The following ADI1 variants were observed in gnomAD, a reference collection of about 807,000 sequenced individuals.
The protein encoded by ADI1 is acireductone dioxygenase.
ADI1 carries 21 observed loss-of-function variants against 18.7 expected under a neutral mutation model. That is an observed-to-expected ratio of 1.13 (90% confidence interval 0.80 to 1.62). ADI1 has a LOEUF of 1.62. ADI1 is among the 40% of genes most tolerant of loss of function. ADI1 has a pLI of 0.00. For synonymous variants in ADI1, 90 were observed against 100.1 expected (o/e 0.90, Z 0.60); for missense variants, 245 against 254.9 (o/e 0.96, Z 0.26).
intron 2 of ADI1, among the ~76,000 whole-genome samples, chr2:3,504,899 T>C (rs919864429): frequency 6.6e-6 from 1 of 152,188 alleles, no homozygotes; most frequent in African/African-American, 2.4e-5. Flanking sequence ...TATGTTTGCG[T>C]TGTTGGTTCA....
chr2:3,512,331 A>T (rs979057130), intron 2 of ADI1, among the ~76,000 whole-genome samples: 3 of 152,234 alleles, frequency 2.0e-5, no homozygotes, highest in Non-Finnish European at 4.4e-5. Flanking sequence ...GGCAATGGGG[A>T]AAAAACCTCA....
intron 2 of ADI1, among the ~76,000 whole-genome samples, chr2:3,505,149 C>T (rs1332188204): frequency 2.6e-5 from 4 of 152,200 alleles, no homozygotes; most frequent in Non-Finnish European, 4.4e-5. Context: ...TGTTTGTTCA[C>T]CTGCATATGT....
rs1053909917 is a variant in ADI1 at position 3,519,203 on chromosome 2, C to A, written c.120+165G>T. 1.0e-5 allele frequency: 11 copies of A among 1,086,878 alleles called. No individual in the cohort carries two copies. In the African/African-American group the frequency reaches 1.2e-4, roughly 11 times the overall value. The allele number at this position is 1,086,878 out of a possible 1,614,324, so 67.3% of individuals were successfully genotyped here. A position where few individuals can be genotyped will look rare whatever the true frequency, so the allele number is the denominator to read the frequency against. On this transcript the variant is annotated intron_variant, in intron 1 of 3. Coordinates refer to ENST00000327435, the MANE Select transcript of ADI1 (RefSeq NM_018269.4). ...CCCACTGCTGAGCATGCGCAGCCCA[C>A]CCCAGGCACCGGGAGCCGCCACGAA...
intron 2 of ADI1, among the ~76,000 whole-genome samples, chr2:3,513,185 T>C (rs1040965429): frequency 2.0e-5 from 3 of 152,164 alleles, no homozygotes; most frequent in African/African-American, 7.2e-5. Flanking sequence ...TGCAGGCTCA[T>C]AGGTAAAAGG....
intron 1 of ADI1, chr2:3,515,579 T>G (rs1667387823): frequency 6.6e-6 from 1 of 152,094 alleles, no homozygotes; most frequent in African/African-American, 2.4e-5. Flanking sequence ...GTGGTTCTGC[T>G]TTTGCCCTTT....
chr2:3,506,922 T>C (rs1667188086), intron 2 of ADI1, among the ~76,000 whole-genome samples: 1 of 152,252 alleles, frequency 6.6e-6, no homozygotes, highest in Non-Finnish European at 1.5e-5. Context: ...GTTAGAGTGA[T>C]TTTGATCTCC....
chr2:3,519,134 C>A, intron 1 of ADI1: 1 of 452,104 alleles, frequency 2.2e-6, no homozygotes, highest in Non-Finnish European at 3.6e-6. Context: ...GCTGAGCATG[C>A]GCAGCACACC....
At position 3,509,579 on chromosome 2, in the gene ADI1, C is replaced by T. The variant is rs115744486; in HGVS notation, c.240+4278G>A. On this transcript the variant is annotated intron_variant, in intron 2 of 3. Transcript: ENST00000327435. ...AATATCTAAAAACAAAACAAAACAT[C>T]CACACAAGTCAAAGATAAAATTAAA... 3.5e-3 allele frequency among the ~76,000 whole-genome samples: 534 copies of T among 152,094 alleles called. 3 individuals are homozygous for T. The highest frequency in any genetic ancestry group is 0.012 in the African/African-American group (511 of 41,504).
chr2:3,503,275 A>G (rs201090169), intron 2 of ADI1, among the ~76,000 whole-genome samples: 5 of 97,702 alleles, frequency 5.1e-5, no homozygotes, highest in African/African-American at 8.0e-5. Context: ...ACACTCACTC[A>G]TGTGCATTCA....
intron 2 of ADI1, among the ~76,000 whole-genome samples, chr2:3,508,635 C>T (rs936865968): frequency 1.3e-5 from 2 of 152,082 alleles, no homozygotes; most frequent in African/African-American, 4.8e-5. Flanking sequence ...GAGACAGTGC[C>T]TCATGTCAGT....
chr2:3,516,628 T>G (rs968731190), intron 1 of ADI1: 1 of 734,302 alleles, frequency 1.4e-6, no homozygotes, highest in Admixed American at 6.3e-5. Context: ...TTGGACTTCT[T>G]AGCCTCTAGA....
chr2:3,512,057 G>A (rs1241513889), intron 2 of ADI1, among the ~76,000 whole-genome samples: 1 of 152,226 alleles, frequency 6.6e-6, no homozygotes, highest in African/African-American at 2.4e-5. Context: ...CAAGGGCAAA[G>A]GAATGACCTG....
chr2:3,517,080 C>G (rs1297601464), intron 1 of ADI1: 1 of 275,304 alleles, frequency 3.6e-6, no homozygotes, highest in African/African-American at 2.3e-5. Context: ...TGAGACCAAA[C>G]CAAAATGCAG....
At position 3,500,833 on chromosome 2, in the gene ADI1, C is replaced by T. The variant is rs147446974; in HGVS notation, c.401G>A (p.Arg134His). 5.6e-5 allele frequency: 91 copies of T among 1,614,146 alleles called. No homozygotes were observed. The highest frequency in any genetic ancestry group is 4.0e-4 in the East Asian group (18 of 44,890). ...TCCCACCTTCTCGTCCACCGTGAAG[C>T]GGTGATAGATCCCCGCGGGGAGCGT... The part of the protein sequence containing the change: ...MVTLPAGIYH[R>H]FTVDEKNYTK... The change falls in exon 3 of 4, where the codon CGC (arginine) becomes CAC (histidine). Residue 134 changes from arginine to histidine, a missense_variant. Physicochemically the swap from Arg to His is conservative, Grantham distance 29. Transcript: ENST00000327435.
At chr2:3,514,440 T>C (rs1250957271) in intron 1 of ADI1, among the ~76,000 whole-genome samples, 4 of 152,234 alleles carry the variant, frequency 2.6e-5, no homozygotes, top group Admixed American at 2.0e-4. Context: ...TAAACTGGAA[T>C]GAGAAACCTT....
chr2:3,503,375 ATACACACG>A (rs1207231545), intron 2 of ADI1, among the ~76,000 whole-genome samples: 1 of 102,940 alleles, frequency 9.7e-6, no homozygotes, highest in Non-Finnish European at 1.8e-5. Context: ...ACATGCACAC[ATACACACG>A]TACTCACACG....
Position 3,513,989 on chromosome 2 carries a change from A to G in ADI1, c.121-13T>C, listed in dbSNP as rs1486429649. ...TGTCAGCATCCAGCTAAAAGAGTTA[A>G]CCCACCAAAAACAAGAGCTCAGATT... is the stretch of plus-strand genomic sequence containing the variant. On this transcript the variant is annotated splice_polypyrimidine_tract_variant and intron_variant, in intron 1 of 3. Coordinates refer to ENST00000327435, the MANE Select transcript of ADI1 (RefSeq NM_018269.4). The G allele has an allele frequency of 6.3e-7, 1 of 1,585,560 alleles. No individual in the cohort carries two copies.
rs1378923503 is a variant in ADI1 at position 3,519,265 on chromosome 2, G to T, written c.120+103C>A. The T allele has an allele frequency of 2.3e-6, 3 of 1,303,414 alleles. No individual in the cohort carries two copies. The African/African-American group carries it at 4.7e-5, about 20-fold the overall frequency. The allele number at this position is 1,303,414 out of a possible 1,614,324, so 80.7% of individuals were successfully genotyped here. On this transcript the variant is annotated intron_variant, in intron 1 of 3. Coordinates refer to ENST00000327435, the MANE Select transcript of ADI1 (RefSeq NM_018269.4). ...CGCTGCTGAGCATGCGCAGCATGCCGCGGCTCCCAGGCCGCTGCCCGGCAC... is the reference window on the plus strand; with the variant it reads ...CGCTGCTGAGCATGCGCAGCATGCCTCGGCTCCCAGGCCGCTGCCCGGCAC...
At chr2:3,508,345 A>C (rs1247036617) in intron 2 of ADI1, among the ~76,000 whole-genome samples, 3 of 142,630 alleles carry the variant, frequency 2.1e-5, no homozygotes, top group Non-Finnish European at 3.0e-5. Flanking sequence ...AAAAAAAAAA[A>C]AAAAAAAAAA....
Sources: gnomAD v4.1 joint callset for allele counts (sites outside exome capture counted in the v4.1 genomes callset) on GRCh38, gnomAD v4.1.1 for gene constraint, MANE v1.5 for transcripts, NCBI Gene and HGNC (gene_info 2026-07-23, HGNC 2026-07-21) for gene names.